Variants in GRID1 observed in about 807,000 individuals in gnomAD.
GRID1 encodes glutamate ionotropic receptor delta type subunit 1, also known as glutamate receptor ionotropic, delta-1.
GRID1 carries 28 observed loss-of-function variants against 98.0 expected under a neutral mutation model. That is an observed-to-expected ratio of 0.29 (90% CI 0.21 to 0.39). GRID1 has a LOEUF of 0.39. GRID1 is among the 10% of genes least tolerant of loss of function. GRID1 has a pLI of 1.00. For missense variants in GRID1, 1,111 were observed against 1,340.5 expected (o/e 0.83, Z 2.67); for synonymous variants, 553 against 538.5 (o/e 1.03, Z -0.37).
intron 12 of GRID1, among the ~76,000 whole-genome samples, chr10:85,719,632 A>G (rs542560242): frequency 3.9e-5 from 6 of 152,230 alleles, no homozygotes; most frequent in South Asian, 2.1e-4. Context: ...ACAGGCCCCT[A>G]TGATTCAATT....
At chr10:86,036,645 T>C (rs184801458) in intron 4 of GRID1, among the ~76,000 whole-genome samples, 19 of 152,340 alleles carry the variant, frequency 1.2e-4, no homozygotes, top group African/African-American at 4.1e-4. Flanking sequence ...AGTGCCACCT[T>C]GTGAGACCTT....
intron 15 of GRID1, among the ~76,000 whole-genome samples, chr10:85,609,800 G>A (rs1348976513): frequency 2.0e-5 from 3 of 152,198 alleles, no homozygotes; most frequent in African/African-American, 7.2e-5. Context: ...TCCCATTTGT[G>A]CAGTTCTCAT....
At chr10:85,629,828 C>T (rs1029744161) in intron 13 of GRID1, among the ~76,000 whole-genome samples, 2 of 152,208 alleles carry the variant, frequency 1.3e-5, no homozygotes, top group African/African-American at 4.8e-5. Context: ...CTCCCACCAG[C>T]ATTGTAGAAG....
chr10:85,657,680 A>G (rs534043260), intron 12 of GRID1, among the ~76,000 whole-genome samples: 70 of 152,304 alleles, frequency 4.6e-4, no homozygotes, highest in Non-Finnish European at 9.4e-4. Flanking sequence ...CTGAGCCAGG[A>G]GGCACAGCAC....
chr10:85,828,245 T>C (rs965070685), intron 8 of GRID1, among the ~76,000 whole-genome samples: 8 of 151,866 alleles, frequency 5.3e-5, no homozygotes, highest in African/African-American at 1.9e-4. Flanking sequence ...CTAATGAAAA[T>C]AAATATATAA....
chr10:85,869,146 T>C lies in GRID1; in HGVS notation c.815A>G (p.His272Arg). The C allele has an allele frequency of 2.5e-6, 4 of 1,613,998 alleles. No homozygotes were observed. In the South Asian group the frequency reaches 4.4e-5, roughly 18 times the overall value. The change falls in exon 6 of 16, where the codon CAT (histidine) becomes CGT (arginine). Residue 272 changes from histidine (H) to arginine (R), a missense_variant. His to Arg is a conservative substitution (Grantham distance 29). Transcript: ENST00000327946. ...ISDPEILDLV[H>R]SALGRMTVVR... is the part of the protein sequence containing the mutation. ...CACGGTCATCCTTCCAAGGGCACTA[T>C]GGACCAGATCCAGGATCTCCGGGTC...
intron 5 of GRID1, among the ~76,000 whole-genome samples, chr10:85,880,345 T>C (rs1295881446): frequency 1.3e-5 from 2 of 152,082 alleles, no homozygotes; most frequent in Admixed American, 6.5e-5. Context: ...ACCAATATCC[T>C]TGATGAACAT....
At chr10:85,852,822 C>A (rs1169280581) in intron 8 of GRID1, among the ~76,000 whole-genome samples, 1 of 152,132 alleles carries the variant, frequency 6.6e-6, no homozygotes, top group Non-Finnish European at 1.5e-5. Flanking sequence ...ACATCATAGG[C>A]CAGCCCTGGC....
intron 4 of GRID1, among the ~76,000 whole-genome samples, chr10:86,106,266 T>A (rs1052061694): frequency 6.6e-6 from 1 of 152,172 alleles, no homozygotes; most frequent in Admixed American, 6.5e-5. Context: ...AAACATTAGG[T>A]AGGGTATGCA....
chr10:85,855,719 AC>A (rs1843103225), intron 7 of GRID1, among the ~76,000 whole-genome samples: 1 of 152,214 alleles, frequency 6.6e-6, no homozygotes, highest in African/African-American at 2.4e-5. Context: ...ATAGAGGGGT[AC>A]CTTGCAGACA....
At chr10:85,861,147 T>A (rs1327720098) in intron 6 of GRID1, among the ~76,000 whole-genome samples, 3 of 152,186 alleles carry the variant, frequency 2.0e-5, no homozygotes, top group African/African-American at 7.2e-5. Context: ...TGAGGACTAC[T>A]GTGAAAATGC....
At chr10:85,795,735 A>T (rs1353480064) in intron 8 of GRID1, among the ~76,000 whole-genome samples, 1 of 152,240 alleles carries the variant, frequency 6.6e-6, no homozygotes, top group Non-Finnish European at 1.5e-5. Flanking sequence ...CATTTGGCCA[A>T]GACAGATTAC....
intron 8 of GRID1, among the ~76,000 whole-genome samples, chr10:85,731,305 T>G (rs554764115): frequency 1.3e-5 from 2 of 151,040 alleles, no homozygotes; most frequent in South Asian, 4.2e-4. Context: ...ATAAATAAAT[T>G]AGTAAAAAAC....
chr10:86,279,694 A>G (rs1425742134), intron 2 of GRID1, among the ~76,000 whole-genome samples: 1 of 152,240 alleles, frequency 6.6e-6, no homozygotes, highest in Non-Finnish European at 1.5e-5. Context: ...TAAGATCAGA[A>G]AAAAGGATGT....
At chr10:86,307,586 A>G (rs1048025767) in intron 2 of GRID1, among the ~76,000 whole-genome samples, 1 of 152,196 alleles carries the variant, frequency 6.6e-6, no homozygotes, top group African/African-American at 2.4e-5. Context: ...CTTAGTTGCA[A>G]GATGAATAAG....
At chr10:85,705,825 G>T (rs1191777621) in intron 12 of GRID1, among the ~76,000 whole-genome samples, 5 of 152,130 alleles carry the variant, frequency 3.3e-5, no homozygotes, top group South Asian at 4.1e-4. Flanking sequence ...ATAAATAAAT[G>T]TAATCCAGCA....
intron 4 of GRID1, among the ~76,000 whole-genome samples, chr10:86,081,449 A>C (rs1843977199): frequency 6.6e-6 from 1 of 152,188 alleles, no homozygotes; most frequent in South Asian, 2.1e-4. Flanking sequence ...GCTCAACATC[A>C]GACAGAAGAG....
chr10:86,144,232 C>T (rs77988236), intron 3 of GRID1, among the ~76,000 whole-genome samples: 6,672 of 152,212 alleles, frequency 0.044, 213 homozygotes, highest in Admixed American at 0.11. Flanking sequence ...TGGGAGGGGA[C>T]TTCAGGGTGG....
intron 4 of GRID1, among the ~76,000 whole-genome samples, chr10:85,917,819 C>T (rs1841642245): frequency 1.3e-5 from 2 of 152,238 alleles, no homozygotes; most frequent in Non-Finnish European, 2.9e-5. Context: ...TTTCTACAAA[C>T]TCAGTTAACC....
Sources: allele counts gnomAD v4.1 joint callset (sites outside exome capture counted in the v4.1 genomes callset), GRCh38; gene constraint gnomAD v4.1.1; transcripts MANE v1.5; gene names NCBI Gene and HGNC (gene_info 2026-07-23, HGNC 2026-07-21).